RSPH1: variants seen among roughly 807,000 people sequenced by gnomAD.
RSPH1 encodes radial spoke head component 1, also known as radial spoke head 1 homolog.
Under a neutral mutation model 44.2 loss-of-function variants are expected in RSPH1, and 32 were observed. That is an observed-to-expected ratio of 0.72 (90% CI 0.55 to 0.97). RSPH1 has a LOEUF of 0.97. Ranked by LOEUF, RSPH1 falls within the 50% of genes least tolerant of loss-of-function variation. RSPH1 has a pLI of 0.00. For missense variants in RSPH1, 391 were observed against 398.7 expected (o/e 0.98, Z 0.16); for synonymous variants, 134 against 147.3 (o/e 0.91, Z 0.65).
rs1316479135 is a variant in RSPH1 at position 42,496,132 on chromosome 21, C to G, written c.54+1G>C. On this transcript the variant is annotated splice_donor_variant, in intron 1 of 8. Transcript: ENST00000291536. LOFTEE classifies it high-confidence loss of function. ...AGCCCTTTCTCACCAGGAGCTCTCA[C>G]CCCAATATCATTCTCTCCCTCCTCC... 6.2e-7 allele frequency: 1 copy of G among 1,614,066 alleles called. No homozygotes were observed. Among genetic ancestry groups the G allele is most frequent in the Non-Finnish European group, 8.5e-7 (1 of 1,180,022 alleles).
intron 6 of RSPH1, among the ~76,000 whole-genome samples, chr21:42,480,196 C>T (rs1389796403): frequency 1.3e-5 from 2 of 152,142 alleles, no homozygotes; most frequent in Admixed American, 6.5e-5. Context: ...GGGCCGAGAG[C>T]CCCGGGGATG....
At chr21:42,492,047 T>C (rs757516786) in intron 3 of RSPH1, among the ~76,000 whole-genome samples, 19 of 152,214 alleles carry the variant, frequency 1.2e-4, no homozygotes, top group Non-Finnish European at 2.2e-4. Context: ...TGAAGAAAAC[T>C]AGACAATTTC....
intron 5 of RSPH1, among the ~76,000 whole-genome samples, chr21:42,483,865 C>T (rs755087177): frequency 1.3e-5 from 2 of 152,134 alleles, no homozygotes; most frequent in Non-Finnish European, 2.9e-5. Context: ...AAATAATTGT[C>T]AAGTGTTCCT....
chr21:42,494,498 G>C (rs1046480796), intron 1 of RSPH1, among the ~76,000 whole-genome samples: 2 of 152,112 alleles, frequency 1.3e-5, no homozygotes, highest in East Asian at 3.8e-4. Flanking sequence ...TATCCAAGAG[G>C]CTTCCCAATA....
In RSPH1 at chr21:42,496,119, C is replaced by G; in HGVS notation, c.54+14G>C. ...GCGCACCCTGGGAAGCCCTTTCTCA[C>G]CAGGAGCTCTCACCCCAATATCATT... is the stretch of plus-strand genomic sequence containing the variant. On this transcript the variant is annotated intron_variant, in intron 1 of 8. Coordinates refer to ENST00000291536, the MANE Select transcript of RSPH1 (RefSeq NM_080860.4). 1 of 1,614,166 alleles carries G rather than the reference C, an allele frequency of 6.2e-7. No individual in the cohort carries two copies. The highest frequency in any genetic ancestry group is 8.5e-7 in the Non-Finnish European group (1 of 1,179,982).
At chr21:42,473,489 T>TAAA (rs5844123) in intron 8 of RSPH1, among the ~76,000 whole-genome samples, 3 of 125,476 alleles carry the variant, frequency 2.4e-5, no homozygotes, top group African/African-American at 9.0e-5. Flanking sequence ...GATTCCATCT[T>TAAA]AAAAAAAAAA....
chr21:42,486,586 C>T (rs902232453), intron 3 of RSPH1, 125 bp from the exon 4 acceptor site: 6 of 704,690 alleles, frequency 8.5e-6, no homozygotes, highest in Admixed American at 4.2e-5. Flanking sequence ...CCCATGCACA[C>T]ACAGGCCCCT....
In RSPH1 at chr21:42,476,973, T is replaced by C. The variant is rs111387571; in HGVS notation, c.727+318A>G. 5.0e-3 allele frequency among the ~76,000 whole-genome samples: 423 copies of C among 84,412 alleles called. 5 individuals carry two copies. Among genetic ancestry groups the C allele is most frequent in the African/African-American group, 0.013 (356 of 28,208 alleles). 55.4% of individuals were successfully genotyped at this position (84,412 alleles called of 152,430 possible). ...CGCCCACACCCTCCATCCCACAGCC[T>C]GGGGATGCCCCACACCCTCTGTCCC... On this transcript the variant is annotated intron_variant, in intron 7 of 8. Transcript: ENST00000291536.
chr21:42,479,748 C>CACACAT (rs1555875668), intron 6 of RSPH1, among the ~76,000 whole-genome samples: 2 of 151,880 alleles, frequency 1.3e-5, no homozygotes, highest in Non-Finnish European at 1.5e-5. Context: ...CACACACACA[C>CACACAT]ACACACACAC....
intron 5 of RSPH1, among the ~76,000 whole-genome samples, chr21:42,484,245 G>C (rs577533153): frequency 6.6e-6 from 1 of 152,072 alleles, no homozygotes; most frequent in East Asian, 1.9e-4. Flanking sequence ...ATCCAACATC[G>C]ATGAGAATAT....
At chr21:42,480,354 C>T (rs1242235931) in intron 6 of RSPH1, among the ~76,000 whole-genome samples, 1 of 152,088 alleles carries the variant, frequency 6.6e-6, no homozygotes, top group East Asian at 1.9e-4. Flanking sequence ...AAAAAACTGT[C>T]TGGAGGGCTG....
intron 3 of RSPH1, among the ~76,000 whole-genome samples, chr21:42,491,449 A>G (rs2054234704): frequency 6.6e-6 from 1 of 152,174 alleles, no homozygotes; most frequent in Non-Finnish European, 1.5e-5. Context: ...TATCCTAAAT[A>G]TCTTCGTGTG....
At chr21:42,493,899 C>T (rs1049189908) in intron 1 of RSPH1, among the ~76,000 whole-genome samples, 4 of 152,154 alleles carry the variant, frequency 2.6e-5, no homozygotes, top group African/African-American at 7.2e-5. Flanking sequence ...TATAGGCATG[C>T]GCCACCATTC....
intron 3 of RSPH1, among the ~76,000 whole-genome samples, chr21:42,487,632 T>C (rs1458611592): frequency 6.6e-6 from 1 of 152,236 alleles, no homozygotes; most frequent in African/African-American, 2.4e-5. Flanking sequence ...TGATTTATCA[T>C]TGCAAATGAA....
intron 8 of RSPH1, among the ~76,000 whole-genome samples, chr21:42,475,594 G>C (rs2054037981): frequency 6.8e-6 from 1 of 147,808 alleles, no homozygotes. Context: ...TCATGCAACA[G>C]AAGAAAGCCA....
chr21:42,475,773 C>T, intron 8 of RSPH1, 125 bp downstream of exon 8: 1 of 1,102,590 alleles, frequency 9.1e-7, no homozygotes, highest in Admixed American at 2.4e-5. Flanking sequence ...CAGGGGGCCC[C>T]CTAAGCCTTC....
Position 42,476,041 on chromosome 21 carries a change from C to T in RSPH1, c.734G>A (p.Gly245Glu). ...GQDAPGAESAGEPGEEAQALL... is the reference protein window; with the variant it reads ...GQDAPGAESAEEPGEEAQALL... ...AGCCTGGGCCTCCTCCCCGGGTTCT[C>T]CTGCACCTGAGATAAAACACAAGTC... Residue 245 changes from glycine (G) to glutamate (E), a missense_variant, in exon 8 of 9, where the codon GGA (glycine) becomes GAA (glutamate). Gly to Glu is a moderately conservative substitution (Grantham distance 98). Coordinates refer to ENST00000291536, the MANE Select transcript of RSPH1 (RefSeq NM_080860.4). 2 of 1,613,714 alleles carry T rather than the reference C, an allele frequency of 1.2e-6. No homozygotes were observed. Among genetic ancestry groups the T allele is most frequent in the Non-Finnish European group, 1.7e-6 (2 of 1,179,882 alleles).
At chr21:42,484,219 A>G (rs897428073) in intron 5 of RSPH1, among the ~76,000 whole-genome samples, 1 of 152,258 alleles carries the variant, frequency 6.6e-6, no homozygotes, top group African/African-American at 2.4e-5. Flanking sequence ...CAAAAACAAC[A>G]TTAAAGACTG....
intron 8 of RSPH1, among the ~76,000 whole-genome samples, chr21:42,475,438 T>G (rs962414878): frequency 1.1e-4 from 16 of 151,508 alleles, no homozygotes; most frequent in African/African-American, 3.9e-4. Flanking sequence ...CATGGTGGCA[T>G]GCACCTGTAA....
Sources: allele counts gnomAD v4.1 joint callset (sites outside exome capture counted in the v4.1 genomes callset), GRCh38; gene constraint gnomAD v4.1.1; transcripts MANE v1.5; gene names NCBI Gene and HGNC (gene_info 2026-07-23, HGNC 2026-07-21).